IPP: variants seen among roughly 807,000 people sequenced by gnomAD.
The protein encoded by IPP is actin-binding protein IPP.
In IPP, 41 loss-of-function variants were observed where a neutral mutation model predicts 64.1. That is an observed-to-expected ratio of 0.64 (90% CI 0.50 to 0.83). The LOEUF (loss-of-function observed/expected upper bound fraction) is 0.83. IPP is among the 40% of genes least tolerant of loss of function. IPP has a pLI of 0.00. For missense variants in IPP, 649 were observed against 703.0 expected (o/e 0.92, Z 0.87); for synonymous variants, 214 against 235.2 (o/e 0.91, Z 0.83).
downstream of IPP, among the ~76,000 whole-genome samples, chr1:45,695,876 T>C (rs1645383760): frequency 6.6e-6 from 1 of 151,978 alleles, no homozygotes; most frequent in Admixed American, 6.6e-5. Flanking sequence ...TCCATGTTGG[T>C]CAGGCTGGTC....
intron 7 of IPP, among the ~76,000 whole-genome samples, chr1:45,715,384 G>A (rs533780133): frequency 6.6e-6 from 1 of 152,120 alleles, no homozygotes; most frequent in African/African-American, 2.4e-5. Context: ...GCTCACGCCT[G>A]TAATCCCAGC....
intron 3 of IPP, among the ~76,000 whole-genome samples, chr1:45,733,686 G>A (rs1336666640): frequency 6.6e-6 from 1 of 151,878 alleles, no homozygotes; most frequent in Non-Finnish European, 1.5e-5. Flanking sequence ...ACAAAAATTA[G>A]TCGGGTGTGG....
At chr1:45,725,650 G>A (rs1274962742) in intron 5 of IPP, among the ~76,000 whole-genome samples, 6 of 136,772 alleles carry the variant, frequency 4.4e-5, no homozygotes, top group East Asian at 2.3e-4. Context: ...ATAGAAAGGC[G>A]GGAAGGGTGG....
chr1:45,729,791 C>T (rs775132274), intron 3 of IPP, 22 bp from the exon 4 acceptor site: 5 of 1,416,448 alleles, frequency 3.5e-6, no homozygotes, highest in Non-Finnish European at 4.8e-6. Context: ...TTTAAAAAGA[C>T]AATGTTTTAA....
At position 45,741,028 on chromosome 1, in the gene IPP, C is replaced by T. The variant is rs1486503956; in HGVS notation, c.597G>A (p.Gln199=). 1.4e-5 allele frequency: 22 copies of T among 1,613,968 alleles called. No individual in the cohort carries two copies. The highest frequency in any genetic ancestry group is 1.8e-5 in the Non-Finnish European group (21 of 1,179,930). Residue 199 remains glutamine (Q), a synonymous_variant, in exon 3 of 9, where the codon CAG becomes CAA. Transcript: ENST00000396478. Reference sequence around the variant, plus strand: ...TCCATTGCATTGCAGCTAAGAAGACCTGGTATTCATCCTCAATGCTAAGCT... The same window carrying T: ...TCCATTGCATTGCAGCTAAGAAGACTTGGTATTCATCCTCAATGCTAAGCT... The part of the protein sequence containing the change: ...SEELSIEDEY[Q]VFLAAMQWIL...
Position 45,701,117 on chromosome 1 carries a change from A to T in IPP, c.1531-927T>A, listed in dbSNP as rs919601141. On this transcript the variant is annotated intron_variant, in intron 8 of 8. Coordinates refer to ENST00000396478, the MANE Select transcript of IPP (RefSeq NM_005897.3). ...TTTCCCATATTAAAAGGTATTTTTT[A>T]AAAAAAGACAAAGCATATATCAAAA... Among the ~76,000 whole-genome samples, 53 of 152,178 alleles carry T rather than the reference A, an allele frequency of 3.5e-4. 1 individual carries two copies. The highest frequency in any genetic ancestry group is 3.0e-3 in the Admixed American group (46 of 15,264).
At chr1:45,709,033 CAA>C (rs71058700) in intron 8 of IPP, among the ~76,000 whole-genome samples, 4 of 58,148 alleles carry the variant, frequency 6.9e-5, no homozygotes, top group South Asian at 8.5e-4. Flanking sequence ...GACTCCATCT[CAA>C]AAAAAAAAAA....
At position 45,714,467 on chromosome 1, in the gene IPP, CTGGAAG is replaced by C; in HGVS notation, c.1310-7_1310-2del. On this transcript the variant is annotated splice_acceptor_variant and splice_polypyrimidine_tract_variant and intron_variant, in intron 7 of 8. Transcript: ENST00000396478. LOFTEE classifies it high-confidence loss of function. ...ATGCCCCCAATTACATAAATTAAAC[CTGGAAG>C]TGGAATATTTTTGCTCAGATGCTAC... 1 of 1,589,070 alleles carries C rather than the reference CTGGAAG, an allele frequency of 6.3e-7. No homozygotes were observed. The highest frequency in any genetic ancestry group is 8.6e-7 in the Non-Finnish European group (1 of 1,157,334).
rs1282997577 is a variant in IPP, at chr1:45,746,173, A to G, written c.239T>C (p.Ile80Thr). 2.5e-6 allele frequency: 4 copies of G among 1,614,148 alleles called. No homozygotes were observed. Among genetic ancestry groups the G allele is most frequent in the Non-Finnish European group, 3.4e-6 (4 of 1,179,956 alleles). The change falls in exon 2 of 9, where the codon ATT (isoleucine) becomes ACT (threonine). Residue 80 changes from isoleucine to threonine, a missense_variant. Ile to Thr is a moderately conservative substitution (Grantham distance 89, BLOSUM62 -1). Transcript: ENST00000396478. ...AAAGATTCCTGCTTCAATTCCTAGA[A>G]TCGGTACAACATCTTTTGAGGACTC... ...MKESSKDVVP[I>T]LGIEAGIFQI...
chr1:45,722,202 C>G (rs1037728193), intron 5 of IPP, among the ~76,000 whole-genome samples: 2 of 151,800 alleles, frequency 1.3e-5, no homozygotes, highest in African/African-American at 4.8e-5. Flanking sequence ...TGCTGTGAGC[C>G]GAGACTGAGC....
At position 45,698,721 on chromosome 1, in the gene IPP, T is replaced by TTTTC. The variant is rs1645410475; in HGVS notation, c.*1244_*1245insGAAA. On this transcript the variant is annotated 3_prime_UTR_variant, in exon 9 of 9. Transcript: ENST00000396478. Reference sequence around the variant, plus strand: ...AAAAAGGAAGAATTTTTTTTTCTTTTTTTTTTTTTTTTTTTGAGACAGGTT... The same window carrying TTTTC: ...AAAAAGGAAGAATTTTTTTTTCTTTTTTTCTTTTTTTTTTTTTTTGAGACAGGTT... 42 of 379,576 alleles carry TTTTC rather than the reference T, an allele frequency of 1.1e-4. No homozygotes were observed. The highest frequency in any genetic ancestry group is 8.9e-4 in the East Asian group (3 of 3,380). The allele number at this position is 379,576 out of a possible 1,614,324, so 23.5% of individuals were successfully genotyped here.
intron 3 of IPP, among the ~76,000 whole-genome samples, chr1:45,736,233 C>T (rs1284634706): frequency 6.6e-6 from 1 of 152,028 alleles, no homozygotes; most frequent in East Asian, 1.9e-4. Context: ...GTTGGAATTA[C>T]AGTTGTGACC....
chr1:45,740,575 T>C (rs551815454), intron 3 of IPP, among the ~76,000 whole-genome samples: 9 of 152,290 alleles, frequency 5.9e-5, no homozygotes, highest in African/African-American at 1.9e-4. Context: ...AAATCTTAAC[T>C]GAAATAATTG....
At position 45,727,704 on chromosome 1, in the gene IPP, A is replaced by C. The variant is rs566505900; in HGVS notation, c.975T>G (p.Thr325=). ...TTCGAGCCTGATGAAGTGAAGACAC[A>C]GTGGTCCAGTACTGGCTAAAGGTGT... is the stretch of plus-strand genomic sequence containing the variant. ...RFDTFSQYWT[T]VSSLHQARSG... The change falls in exon 5 of 9, where the codon ACT becomes ACG. Residue 325 remains threonine, a synonymous_variant. Coordinates refer to ENST00000396478, the MANE Select transcript of IPP (RefSeq NM_005897.3). 1.2e-5 allele frequency: 19 copies of C among 1,600,172 alleles called. No homozygotes were observed. In the South Asian group the frequency reaches 1.9e-4, roughly 16 times the overall value.
chr1:45,725,576 G>C (rs1213659798), intron 5 of IPP, among the ~76,000 whole-genome samples: 1 of 136,328 alleles, frequency 7.3e-6, no homozygotes, highest in South Asian at 2.7e-4. Context: ...CCACGACCCC[G>C]TCTGGGAGGT....
chr1:45,731,221 G>C (rs556048227), intron 3 of IPP, among the ~76,000 whole-genome samples: 1 of 152,020 alleles, frequency 6.6e-6, no homozygotes, highest in African/African-American at 2.4e-5. Context: ...TGGGAGGACT[G>C]TTTGAGGCCA....
In IPP at chr1:45,700,194, G is replaced by T. The variant is rs1254986667; in HGVS notation, c.1531-4C>A. On this transcript the variant is annotated splice_region_variant and splice_polypyrimidine_tract_variant and intron_variant, in intron 8 of 8. Coordinates refer to ENST00000396478, the MANE Select transcript of IPP (RefSeq NM_005897.3). ...AGGCAACTTCAACCCACTTTTCCTGGTTAAGAGAGAAAAAAAAAATATGTT... is the reference window on the plus strand; with the variant it reads ...AGGCAACTTCAACCCACTTTTCCTGTTTAAGAGAGAAAAAAAAAATATGTT... 29 of 1,588,982 alleles carry T rather than the reference G, an allele frequency of 1.8e-5. No individual in the cohort carries two copies. The highest frequency in any genetic ancestry group is 2.2e-5 in the Non-Finnish European group (26 of 1,170,688).
intron 4 of IPP, among the ~76,000 whole-genome samples, chr1:45,728,957 C>T (rs2148570639): frequency 6.8e-6 from 1 of 147,558 alleles, no homozygotes; most frequent in Admixed American, 6.9e-5. Flanking sequence ...GAAACCCTGT[C>T]TCTACTTAAA....
intron 3 of IPP, among the ~76,000 whole-genome samples, chr1:45,738,849 A>AC (rs1646016810): frequency 6.7e-6 from 1 of 149,100 alleles, no homozygotes; most frequent in Non-Finnish European, 1.5e-5. Flanking sequence ...CAAAAAAAAA[A>AC]AAAAAAAAAA....
Sources: gnomAD v4.1 joint callset for allele counts (sites outside exome capture counted in the v4.1 genomes callset) on GRCh38, gnomAD v4.1.1 for gene constraint, MANE v1.5 for transcripts, NCBI Gene and HGNC (gene_info 2026-07-23, HGNC 2026-07-21) for gene names.